Variants in SDCBP2 observed in about 807,000 individuals in gnomAD.
SDCBP2 encodes syntenin-2.
In SDCBP2, 28 loss-of-function variants were observed where a neutral mutation model predicts 30.7. The observed-to-expected ratio is 0.91, with a 90% CI of 0.68 to 1.25. The LOEUF (loss-of-function observed/expected upper bound fraction) is 1.25. Among genes scored for constraint, SDCBP2 ranks in the 50% most tolerant of loss-of-function variants. The pLI, the probability that SDCBP2 is intolerant of heterozygous loss-of-function variation, is 0.00. For synonymous variants in SDCBP2, 166 were observed against 157.3 expected (o/e 1.06, Z -0.41); for missense variants, 399 against 379.0 (o/e 1.05, Z -0.44).
In SDCBP2 at chr20:1,313,361, C is replaced by T. The variant is rs2088713901; in HGVS notation, c.363G>A (p.Leu121=). 1.2e-6 allele frequency: 2 copies of T among 1,611,770 alleles called. No homozygotes were observed. The highest frequency in any genetic ancestry group is 1.7e-6 in the Non-Finnish European group (2 of 1,179,628). ...CTACCTGGTCGACCTTCCGCAGCCT[C>T]AGCCCGGTCTTGCCGCGCTCGTCCT... ...LCKDERGKTG[L]RLRKVDQGLF... The change falls in exon 5 of 9, where the codon CTG becomes CTA. Residue 121 remains leucine, a synonymous_variant. Transcript: ENST00000360779. This position sits in a 1 kb window ranked among gnomAD's most constrained non-coding sequence, Gnocchi z 5.2.
intron 8 of SDCBP2, 68 bp downstream of exon 8, chr20:1,310,732 G>T: frequency 7.2e-7 from 1 of 1,394,968 alleles, no homozygotes; most frequent in Non-Finnish European, 1.0e-6. Flanking sequence ...AGGTGCACCT[G>T]GGAGGCCGGG....
At position 1,311,894 on chromosome 20, in the gene SDCBP2, C is replaced by T. The variant is rs1460179284; in HGVS notation, c.732+443G>A. 6.9e-5 allele frequency among the ~76,000 whole-genome samples: 6 copies of T among 86,756 alleles called. No individual in the cohort carries two copies. The East Asian group carries it at 2.1e-3, about 30-fold the overall frequency. 56.9% of individuals were successfully genotyped at this position (86,756 alleles called of 152,430 possible). A position where few individuals can be genotyped will look rare whatever the true frequency, so the allele number is the denominator to read the frequency against. On this transcript the variant is annotated intron_variant, in intron 7 of 8. Transcript: ENST00000360779. The stretch of plus-strand genomic sequence containing the variant: ...GGCACTGTGCTCAGAGCTCTAGGTA[C>T]ACTGTCTTTTTTTTTTTTTTTTGGA...
At chr20:1,312,119 G>C (rs576683458) in intron 7 of SDCBP2, among the ~76,000 whole-genome samples, 2 of 9,912 alleles carry the variant, frequency 2.0e-4, no homozygotes, top group Non-Finnish European at 4.7e-4. Flanking sequence ...GGCTGGTCTC[G>C]TGCTCCTGGA....
At chr20:1,317,884 G>A (rs1449563330) in intron 4 of SDCBP2, 4 of 336,352 alleles carry the variant, frequency 1.2e-5, no homozygotes, top group Admixed American at 8.5e-5. Context: ...TTTCTGTGAT[G>A]GTGTCTTTTG....
At position 1,321,865 on chromosome 20, in the gene SDCBP2, C is replaced by T. The variant is rs1289265226; in HGVS notation, c.-19-1430G>A. The T allele has an allele frequency of 6.6e-6, 1 of 152,132 alleles. No individual in the cohort carries two copies. Among genetic ancestry groups the T allele is most frequent in the Non-Finnish European group, 1.5e-5 (1 of 68,030 alleles). 9.4% of individuals were successfully genotyped at this position (152,132 alleles called of 1,614,324 possible). ...TAATAATCGAATTTCCCACTGCTCC[C>T]AAAAAACAGGAAGCTTTGGCAACCC... is the stretch of plus-strand genomic sequence containing the variant. On this transcript the variant is annotated intron_variant, in intron 1 of 8. Transcript: ENST00000360779. The surrounding 1 kb of genome is among the most constrained non-coding windows in gnomAD (Gnocchi z 5.2).
At chr20:1,311,970 G>A (rs1455992458) in intron 7 of SDCBP2, among the ~76,000 whole-genome samples, 2 of 142,006 alleles carry the variant, frequency 1.4e-5, no homozygotes, top group Non-Finnish European at 3.0e-5. Flanking sequence ...CATGATCATA[G>A]CTCACTGCAT....
Position 1,313,062 on chromosome 20 carries a change from G to T in SDCBP2, c.384+278C>A. 1.7e-6 allele frequency: 1 copy of T among 589,312 alleles called. No homozygotes were observed. Among genetic ancestry groups the T allele is most frequent in the Non-Finnish European group, 3.0e-6 (1 of 331,800 alleles). 36.5% of individuals were successfully genotyped at this position (589,312 alleles called of 1,614,324 possible). A position where few individuals can be genotyped will look rare whatever the true frequency, so the allele number is the denominator to read the frequency against. On this transcript the variant is annotated intron_variant, in intron 5 of 8. Transcript: ENST00000360779. This position sits in a 1 kb window ranked among gnomAD's most constrained non-coding sequence, Gnocchi z 5.2. ...GCGTCGGCTGTCTACACCGTCGCCT[G>T]GAAGCTAGATGCCCTGGGCAGCGAA...
chr20:1,320,313 C>A lies in SDCBP2; in HGVS notation c.54+50G>T, dbSNP rs747494346. 4.0e-5 allele frequency: 63 copies of A among 1,570,498 alleles called. No homozygotes were observed. The highest frequency in any genetic ancestry group is 4.6e-5 in the Non-Finnish European group (53 of 1,145,360). Reference sequence around the variant, plus strand: ...AGTACCCAGCACCTTCCAGGGTAATCCCCAAGGTCCCCTTCAGGGAATCCA... The same window carrying A: ...AGTACCCAGCACCTTCCAGGGTAATACCCAAGGTCCCCTTCAGGGAATCCA... On this transcript the variant is annotated intron_variant, in intron 2 of 8. Transcript: ENST00000360779. The surrounding 1 kb of genome is among the most constrained non-coding windows in gnomAD (Gnocchi z 4.7).
intron 7 of SDCBP2, among the ~76,000 whole-genome samples, chr20:1,311,369 C>T (rs1189798324): frequency 6.6e-6 from 1 of 151,090 alleles, no homozygotes; most frequent in Non-Finnish European, 1.5e-5. Flanking sequence ...TCCTCCTCCT[C>T]TTACATCCTC....
Position 1,312,452 on chromosome 20 carries a change from A to G in SDCBP2, c.617T>C (p.Val206Ala). 1 of 1,614,116 alleles carries G rather than the reference A, an allele frequency of 6.2e-7. No individual in the cohort carries two copies. Among genetic ancestry groups the G allele is most frequent in the Non-Finnish European group, 8.5e-7 (1 of 1,179,992 alleles). ...HKDSMGHVGF[V>A]IKKGKIVSLV... ...AGAGACAATCTTCCCCTTCTTGATC[A>G]CGAAGCCGACGTGGCCCATGCTGTC... The change falls in exon 7 of 9, where the codon GTG (valine) becomes GCG (alanine). Residue 206 changes from valine (V) to alanine (A), a missense_variant. Val to Ala is a moderately conservative substitution (Grantham distance 64, BLOSUM62 0). Transcript: ENST00000360779.
chr20:1,326,119 G>A (rs1281500315), intron 1 of SDCBP2, among the ~76,000 whole-genome samples: 1 of 152,240 alleles, frequency 6.6e-6, no homozygotes. Flanking sequence ...GGCCGTGTAG[G>A]ATGGATGTTC....
intron 1 of SDCBP2, among the ~76,000 whole-genome samples, 152 bp downstream of exon 1, chr20:1,328,933 T>A (rs2088973077): frequency 6.6e-6 from 1 of 152,060 alleles, no homozygotes; most frequent in South Asian, 2.1e-4. Context: ...AAACCCCACT[T>A]CACACTTGAC....
At chr20:1,310,666 G>C (rs1600272950) in intron 8 of SDCBP2, 134 bp downstream of exon 8, 2 of 1,005,514 alleles carry the variant, frequency 2.0e-6, no homozygotes, top group Non-Finnish European at 3.0e-6. Flanking sequence ...AGGGAGGATA[G>C]AGCTGGCTGA....
rs760857543 is a variant in SDCBP2 at position 1,310,776 on chromosome 20, G to A, written c.824+24C>T. On this transcript the variant is annotated intron_variant, in intron 8 of 8. Transcript: ENST00000360779. ...GGGATGGCAGAGGAGGGGTGAGGAG[G>A]GGTGAGGAGGGGTGCAGCCTTACTT... 9 of 1,589,226 alleles carry A rather than the reference G, an allele frequency of 5.7e-6. No individual in the cohort carries two copies. The South Asian group carries it at 6.7e-5, about 12-fold the overall frequency.
At position 1,313,006 on chromosome 20, in the gene SDCBP2, T is replaced by C; in HGVS notation, c.385-244A>G. On this transcript the variant is annotated intron_variant, in intron 5 of 8. Transcript: ENST00000360779. This position sits in a 1 kb window ranked among gnomAD's most constrained non-coding sequence, Gnocchi z 5.2. Reference sequence around the variant, plus strand: ...GGGGCTGCACTCCGAAACACTCCACTGTACCATTCACAAAGGCATGGGCTT... The same window carrying C: ...GGGGCTGCACTCCGAAACACTCCACCGTACCATTCACAAAGGCATGGGCTT... 2 of 592,370 alleles carry C rather than the reference T, an allele frequency of 3.4e-6. No individual in the cohort carries two copies. The highest frequency in any genetic ancestry group is 6.0e-6 in the Non-Finnish European group (2 of 334,112). The allele number at this position is 592,370 out of a possible 1,614,324, so 36.7% of individuals were successfully genotyped here.
intron 1 of SDCBP2, among the ~76,000 whole-genome samples, chr20:1,326,958 A>G (rs1463236361): frequency 6.6e-6 from 1 of 152,240 alleles, no homozygotes; most frequent in Non-Finnish European, 1.5e-5. Flanking sequence ...GTCAATAAGT[A>G]GAAAGTCTTT....
At chr20:1,326,666 T>C (rs1373036658) in intron 1 of SDCBP2, among the ~76,000 whole-genome samples, 2 of 152,236 alleles carry the variant, frequency 1.3e-5, no homozygotes, top group African/African-American at 4.8e-5. Flanking sequence ...TATTTGCCTC[T>C]TCATCATATA....
rs1288396357 is a variant in SDCBP2, at chr20:1,320,297, C to T, written c.54+66G>A. 2 of 1,473,518 alleles carry T rather than the reference C, an allele frequency of 1.4e-6. No homozygotes were observed. Among genetic ancestry groups the T allele is most frequent in the East Asian group, 2.3e-5 (1 of 44,262 alleles). 91.3% of individuals were successfully genotyped at this position (1,473,518 alleles called of 1,614,324 possible). On this transcript the variant is annotated intron_variant, in intron 2 of 8. Coordinates refer to ENST00000360779, the MANE Select transcript of SDCBP2 (RefSeq NM_080489.5). The surrounding 1 kb of genome is among the most constrained non-coding windows in gnomAD (Gnocchi z 4.7). ...ATCTCCAAGTGGCCCCAGTACCCAG[C>T]ACCTTCCAGGGTAATCCCCAAGGTC...
Position 1,320,340 on chromosome 20 carries a change from G to T in SDCBP2, c.54+23C>A. ...CCAAGGTCCCCTTCAGGGAATCCAG[G>T]CCAATGGGGCCTGGCGACTTACCTG... On this transcript the variant is annotated intron_variant, in intron 2 of 8. Transcript: ENST00000360779. This position sits in a 1 kb window ranked among gnomAD's most constrained non-coding sequence, Gnocchi z 4.7. The T allele has an allele frequency of 6.2e-7, 1 of 1,610,894 alleles. No individual in the cohort carries two copies. The highest frequency in any genetic ancestry group is 8.5e-7 in the Non-Finnish European group (1 of 1,177,388).
Sources: gnomAD v4.1 joint callset for allele counts (sites outside exome capture counted in the v4.1 genomes callset) on GRCh38, gnomAD v4.1.1 for gene constraint, Gnocchi (gnomAD v3.1) non-coding constraint, MANE v1.5 for transcripts, NCBI Gene and HGNC (gene_info 2026-07-23, HGNC 2026-07-21) for gene names.